The following RNF34 variants were observed in gnomAD, a reference collection of about 807,000 sequenced individuals.
RNF34 encodes the protein E3 ubiquitin-protein ligase RNF34.
Under a neutral mutation model 37.9 loss-of-function variants are expected in RNF34, and 12 were observed. The ratio of observed to expected loss-of-function variants is 0.32; its 90% CI spans 0.20 to 0.51. The LOEUF (loss-of-function observed/expected upper bound fraction) is 0.51. Among genes scored for constraint, RNF34 ranks in the 20% least tolerant of loss-of-function variants. The pLI is 0.97. For missense variants in RNF34, 362 were observed against 472.7 expected (o/e 0.77, Z 2.17); for synonymous variants, 155 against 177.2 (o/e 0.87, Z 1.00).
intron 1 of RNF34, among the ~76,000 whole-genome samples, chr12:121,413,088 C>T (rs1049444735): frequency 6.6e-6 from 1 of 150,726 alleles, no homozygotes; most frequent in East Asian, 2.0e-4. Flanking sequence ...TGCAATGGTG[C>T]GATCTAGGCT....
intron 1 of RNF34, among the ~76,000 whole-genome samples, chr12:121,410,493 C>T (rs963528521): frequency 1.3e-5 from 2 of 150,862 alleles, no homozygotes; most frequent in Non-Finnish European, 2.9e-5. Context: ...GCCGAGATTG[C>T]GCCACTGCAT....
rs782057793 is a variant in RNF34 at position 121,420,270 on chromosome 12, CAGA to C, written c.666_668del (p.Glu222del). Reference sequence around the variant, plus strand: ...CAAAGTGAAATCACTTCAGCAAACACAGAAGATGATGATGACGACGATGATGAG... The same window carrying C: ...CAAAGTGAAATCACTTCAGCAAACACAGATGATGATGACGACGATGATGAG... On this transcript the variant is annotated inframe_deletion, in exon 4 of 6. Coordinates refer to ENST00000361234, the MANE Select transcript of RNF34 (RefSeq NM_025126.4). The C allele has an allele frequency of 1.2e-6, 2 of 1,604,304 alleles. No homozygotes were observed. Among genetic ancestry groups the C allele is most frequent in the Admixed American group, 1.7e-5 (1 of 59,500 alleles).
At chr12:121,400,368 G>A (rs1869853846) in intron 1 of RNF34, 150 bp downstream of exon 1, 1 of 963,896 alleles carries the variant, frequency 1.0e-6, no homozygotes, top group Non-Finnish European at 1.5e-6. Flanking sequence ...GGCTTCAGGT[G>A]CCCCAACCGA....
At chr12:121,404,970 CAG>C (rs1870385803) in intron 1 of RNF34, 1 of 152,266 alleles carries the variant, frequency 6.6e-6, no homozygotes, top group Non-Finnish European at 1.5e-5. Flanking sequence ...TGCAAAGAAA[CAG>C]AACACCTTTC....
intron 1 of RNF34, among the ~76,000 whole-genome samples, chr12:121,402,043 C>T (rs781818253): frequency 5.3e-5 from 8 of 152,118 alleles, no homozygotes; most frequent in Non-Finnish European, 8.8e-5. Flanking sequence ...CTGTAGATTT[C>T]TGGGCAGAGA....
At chr12:121,419,430 C>T (rs1426327068) in intron 3 of RNF34, among the ~76,000 whole-genome samples, 3 of 152,136 alleles carry the variant, frequency 2.0e-5, no homozygotes, top group Non-Finnish European at 2.9e-5. Flanking sequence ...TAAGTCCAAG[C>T]CAGGAGTTTT....
chr12:121,416,368 T>C lies in RNF34; in HGVS notation c.216T>C (p.Phe72=), dbSNP rs782452243. 5 of 1,609,612 alleles carry C rather than the reference T, an allele frequency of 3.1e-6. No individual in the cohort carries two copies. The South Asian group carries it at 3.3e-5, about 11-fold the overall frequency. The change falls in exon 2 of 6, where the codon TTT becomes TTC. Residue 72 remains phenylalanine, a synonymous_variant. Transcript: ENST00000361234. ...CKACGLSFSV[F]RKKHVCCDCK... ...CCTGTGGGCTTTCATTTTCAGTCTTTAGAAAGAAGGTGAGTTGGATGAAAT... is the reference window on the plus strand; with the variant it reads ...CCTGTGGGCTTTCATTTTCAGTCTTCAGAAAGAAGGTGAGTTGGATGAAAT...
intron 1 of RNF34, among the ~76,000 whole-genome samples, chr12:121,408,140 T>TA (rs1326836350): frequency 6.6e-6 from 1 of 151,890 alleles, no homozygotes; most frequent in African/African-American, 2.4e-5. Context: ...ACCCCGTCTC[T>TA]AAAAAAATAA....
At position 121,418,055 on chromosome 12, in the gene RNF34, C is replaced by T. The variant is rs1323887142; in HGVS notation, c.633+144C>T. 1.4e-5 allele frequency: 12 copies of T among 876,412 alleles called. No individual in the cohort carries two copies. In the East Asian group the frequency reaches 3.0e-4, roughly 22 times the overall value. The allele number at this position is 876,412 out of a possible 1,614,324, so 54.3% of individuals were successfully genotyped here. A position where few individuals can be genotyped will look rare whatever the true frequency, so the allele number is the denominator to read the frequency against. On this transcript the variant is annotated intron_variant, in intron 3 of 5. Coordinates refer to ENST00000361234, the MANE Select transcript of RNF34 (RefSeq NM_025126.4). ...CTTCCACACCCAGCTGAACTCTGCACTTAAAGGCTGTCCTGATGTATAGTG... is the reference window on the plus strand; with the variant it reads ...CTTCCACACCCAGCTGAACTCTGCATTTAAAGGCTGTCCTGATGTATAGTG...
At chr12:121,408,128 A>G (rs1264439666) in intron 1 of RNF34, among the ~76,000 whole-genome samples, 2 of 152,120 alleles carry the variant, frequency 1.3e-5, no homozygotes, top group Non-Finnish European at 2.9e-5. Context: ...CAGCATATCA[A>G]GACCCCGTCT....
At position 121,423,513 on chromosome 12, in the gene RNF34, C is replaced by T. The variant is rs1292258918; in HGVS notation, c.1056C>T (p.Arg352=). Residue 352 remains arginine (R), a synonymous_variant, in exon 6 of 6, where the codon CGC becomes CGT. Coordinates refer to ENST00000361234, the MANE Select transcript of RNF34 (RefSeq NM_025126.4). The surrounding 1 kb of genome is among the most constrained non-coding windows in gnomAD (Gnocchi z 4.3). The part of the protein sequence containing the change: ...HMVTCTKCGK[R]MSECPICRQY... ...TTACCTGCACCAAGTGCGGCAAGCGCATGAGTGAGTGTCCCATCTGCCGGC... is the reference window on the plus strand; with the variant it reads ...TTACCTGCACCAAGTGCGGCAAGCGTATGAGTGAGTGTCCCATCTGCCGGC... The T allele has an allele frequency of 6.2e-7, 1 of 1,614,094 alleles. No individual in the cohort carries two copies. Among genetic ancestry groups the T allele is most frequent in the Non-Finnish European group, 8.5e-7 (1 of 1,180,042 alleles).
intron 1 of RNF34, among the ~76,000 whole-genome samples, chr12:121,407,433 T>TG (rs561190929): frequency 5.7e-4 from 86 of 152,168 alleles, no homozygotes; most frequent in African/African-American, 2.0e-3. Context: ...AAGCCAGAGG[T>TG]GGGGGTATGC....
intron 1 of RNF34, among the ~76,000 whole-genome samples, chr12:121,412,209 G>T: frequency 7.2e-6 from 1 of 139,650 alleles, no homozygotes; most frequent in Admixed American, 7.3e-5. Context: ...CTACAGGCAC[G>T]TGCCACCATG....
intron 3 of RNF34, chr12:121,418,770 G>A (rs1442109950): frequency 2.0e-5 from 3 of 152,164 alleles, no homozygotes; most frequent in African/African-American, 4.8e-5. Context: ...GCCCAGGCTA[G>A]AGTGAAGTGG....
chr12:121,401,780 G>A (rs549793312), intron 1 of RNF34, among the ~76,000 whole-genome samples: 1 of 152,314 alleles, frequency 6.6e-6, no homozygotes, highest in East Asian at 1.9e-4. Context: ...AATTGAAGTG[G>A]AAGGTACTAC....
chr12:121,420,502 G>A (rs1484648274), intron 4 of RNF34, 75 bp from the exon 5 acceptor site: 9 of 1,576,722 alleles, frequency 5.7e-6, no homozygotes, highest in Non-Finnish European at 7.0e-6. Context: ...AGAATATTCA[G>A]GGCCAGTGAT....
rs1566221366 is a variant in RNF34 at position 121,402,435 on chromosome 12, CG to C, written c.6+2218del. Among the ~76,000 whole-genome samples the C allele has an allele frequency of 3.2e-3, 482 of 152,090 alleles. 5 individuals carry two copies. Among genetic ancestry groups the C allele is most frequent in the African/African-American group, 0.011 (457 of 41,492 alleles). On this transcript the variant is annotated intron_variant, in intron 1 of 5. Transcript: ENST00000361234. ...ATGGGTATTTACTTTCTCCCTTTGGCGTTTTGGTTTGGTTTGGTTTGGTTTG... is the reference window on the plus strand; with the variant it reads ...ATGGGTATTTACTTTCTCCCTTTGGCTTTTGGTTTGGTTTGGTTTGGTTTG...
At chr12:121,412,916 C>T (rs1555281528) in intron 1 of RNF34, among the ~76,000 whole-genome samples, 3 of 151,724 alleles carry the variant, frequency 2.0e-5, no homozygotes, top group African/African-American at 7.3e-5. Flanking sequence ...GGGGTTTCAC[C>T]ATGTTGGCCA....
At chr12:121,405,362 A>G (rs570792463) in intron 1 of RNF34, among the ~76,000 whole-genome samples, 1 of 152,074 alleles carries the variant, frequency 6.6e-6, no homozygotes, top group Non-Finnish European at 1.5e-5. Context: ...TCTCCACTCA[A>G]CTAGCTGGTA....
Sources: gnomAD v4.1 joint callset for allele counts (sites outside exome capture counted in the v4.1 genomes callset) on GRCh38, gnomAD v4.1.1 for gene constraint, Gnocchi (gnomAD v3.1) non-coding constraint, MANE v1.5 for transcripts, NCBI Gene and HGNC (gene_info 2026-07-23, HGNC 2026-07-21) for gene names.